The following TNKS2 variants were observed in gnomAD, a reference collection of about 807,000 sequenced individuals.
TNKS2 encodes poly [ADP-ribose] polymerase tankyrase-2.
TNKS2 carries 72 observed loss-of-function variants against 137.6 expected under a neutral mutation model. The observed-to-expected ratio is 0.52, with a 90% CI of 0.43 to 0.64. TNKS2 has a LOEUF of 0.64. TNKS2 is among the 30% of genes least tolerant of loss of function. The pLI is 0.00. For synonymous variants in TNKS2, 516 were observed against 512.1 expected (o/e 1.01, Z -0.10); for missense variants, 1,049 against 1,410.2 (o/e 0.74, Z 4.10).
chr10:91,822,354 T>A lies in TNKS2; in HGVS notation c.787T>A (p.Leu263Met). 6.2e-7 allele frequency: 1 copy of A among 1,612,982 alleles called. No homozygotes were observed. Among genetic ancestry groups the A allele is most frequent in the East Asian group, 2.2e-5 (1 of 44,768 alleles). ...TGGTCATTATGAAGTAACTGAACTT[T>A]TGGTCAAGGTTAGTGCTCTTGTACT... is the stretch of plus-strand genomic sequence containing the variant. ...SYGHYEVTEL[L>M]VKHGACVNAM... Residue 263 changes from leucine (L) to methionine (M), a missense_variant, in exon 7 of 27, where the codon TTG (leucine) becomes ATG (methionine). Leu to Met is a conservative substitution (Grantham distance 15). Transcript: ENST00000371627.
chr10:91,807,759 C>A (rs1295640431), intron 1 of TNKS2, among the ~76,000 whole-genome samples: 1 of 152,094 alleles, frequency 6.6e-6, no homozygotes, highest in Non-Finnish European at 1.5e-5. Flanking sequence ...CTTCGGGAGG[C>A]CGAGGCGAGC....
rs1392893073 is a variant in TNKS2, at chr10:91,813,141, C to G, written c.358C>G (p.Arg120Gly). The G allele has an allele frequency of 6.2e-7, 1 of 1,613,890 alleles. No individual in the cohort carries two copies. Among genetic ancestry groups the G allele is most frequent in the South Asian group, 1.1e-5 (1 of 91,060 alleles). The change falls in exon 2 of 27, where the codon CGA becomes GGA. Residue 120 changes from arginine (R) to glycine (G), a missense_variant. Physicochemically the swap from Arg to Gly is moderately radical, Grantham distance 125. Coordinates refer to ENST00000371627, the MANE Select transcript of TNKS2 (RefSeq NM_025235.4). ...GCGACATGGTGCAGACCCCAATGCT[C>G]GAGATAATTGGAATTATACTCCTCT... ...LLRHGADPNA[R>G]DNWNYTPLHE...
chr10:91,799,070 G>T (rs1304026088), intron 1 of TNKS2, among the ~76,000 whole-genome samples, 181 bp downstream of exon 1: 1 of 152,174 alleles, frequency 6.6e-6, no homozygotes. Flanking sequence ...TGCCACACTC[G>T]CTGGAAGTTT....
Position 91,846,174 on chromosome 10 carries a change from T to C in TNKS2, c.2358+234T>C, listed in dbSNP as rs111623737. Among the ~76,000 whole-genome samples, 1,509 of 152,200 alleles carry C rather than the reference T, an allele frequency of 9.9e-3. 9 individuals are homozygous for C. The highest frequency in any genetic ancestry group is 0.024 in the Middle Eastern group (7 of 294). ...TATTATATACTGAGTATTTTGGAAA[T>C]AGGAAAAAGAAGTACATGATATAAC... On this transcript the variant is annotated intron_variant, in intron 18 of 26. Transcript: ENST00000371627.
chr10:91,805,396 A>G (rs1844294920), intron 1 of TNKS2, among the ~76,000 whole-genome samples: 1 of 152,224 alleles, frequency 6.6e-6, no homozygotes, highest in Admixed American at 6.5e-5. Context: ...CTATGTGGAT[A>G]TAATCACTTT....
rs12355309 is a variant in TNKS2, at chr10:91,841,359, G to T, written c.1750G>T (p.Val584Leu). The T allele has an allele frequency of 1.1e-5, 17 of 1,609,700 alleles. No individual in the cohort carries two copies. Among genetic ancestry groups the T allele is most frequent in the Middle Eastern group, 1.7e-4 (1 of 6,030 alleles). Residue 584 changes from valine to leucine, a missense_variant, in exon 15 of 27, where the codon GTA becomes TTA. By Grantham distance (32) the Val-to-Leu change is conservative. This residue lies in a region of TNKS2 where 328 missense variants were observed against 436.0 expected (regional missense o/e 0.75). Coordinates refer to ENST00000371627, the MANE Select transcript of TNKS2 (RefSeq NM_025235.4). Reference sequence around the variant, plus strand: ...AGAACTTCTTGTTAAACATGGAGCAGTAGTTAATGTAGCTGATTTATGGAA... The same window carrying T: ...AGAACTTCTTGTTAAACATGGAGCATTAGTTAATGTAGCTGATTTATGGAA... ...VAELLVKHGA[V>L]VNVADLWKFT...
chr10:91,817,635 G>A (rs1844751961), intron 3 of TNKS2, among the ~76,000 whole-genome samples: 2 of 151,976 alleles, frequency 1.3e-5, no homozygotes, highest in Admixed American at 6.6e-5. Context: ...TATTCAAGCT[G>A]TACTATTTTT....
intron 26 of TNKS2, among the ~76,000 whole-genome samples, chr10:91,862,724 C>T (rs971740375): frequency 6.6e-6 from 1 of 152,098 alleles, no homozygotes; most frequent in Non-Finnish European, 1.5e-5. Flanking sequence ...TTATCTGATA[C>T]TTATGAACTT....
At chr10:91,846,105 A>C (rs1589685245) in intron 18 of TNKS2, among the ~76,000 whole-genome samples, 165 bp downstream of exon 18, 1 of 152,210 alleles carries the variant, frequency 6.6e-6, no homozygotes, top group East Asian at 1.9e-4. Flanking sequence ...TAGAATTATA[A>C]AGTAATATAA....
intron 12 of TNKS2, 31 bp from the exon 13 acceptor site, chr10:91,836,888 A>G: frequency 6.3e-7 from 1 of 1,598,974 alleles, no homozygotes; most frequent in Non-Finnish European, 8.5e-7. Context: ...AATAGAGGTT[A>G]GTCACTCTTC....
chr10:91,811,277 T>C (rs1257213448), intron 1 of TNKS2, among the ~76,000 whole-genome samples: 1 of 151,648 alleles, frequency 6.6e-6, no homozygotes, highest in African/African-American at 2.4e-5. Flanking sequence ...TTTCTTCTGC[T>C]TGGACTGCAG....
At position 91,849,608 on chromosome 10, in the gene TNKS2, T is replaced by C. The variant is rs749862109; in HGVS notation, c.2694+14T>C. On this transcript the variant is annotated intron_variant, in intron 20 of 26. Transcript: ENST00000371627. ...GAGAGAGAACAGGTGAGTAGATAAA[T>C]CATATTGTTTGGATTAGTGTTTTAT... The C allele has an allele frequency of 1.3e-6, 2 of 1,576,836 alleles. No individual in the cohort carries two copies. Among genetic ancestry groups the C allele is most frequent in the Non-Finnish European group, 1.7e-6 (2 of 1,162,792 alleles).
chr10:91,835,450 C>T (rs561516971), intron 12 of TNKS2, among the ~76,000 whole-genome samples: 76 of 151,556 alleles, frequency 5.0e-4, no homozygotes, highest in African/African-American at 1.6e-3. Context: ...CCACCACACC[C>T]GGCTAACTTT....
At chr10:91,857,579 G>T (rs369432985) in intron 24 of TNKS2, 49 bp downstream of exon 24, 1 of 1,267,318 alleles carries the variant, frequency 7.9e-7, no homozygotes, top group Non-Finnish European at 1.1e-6. Flanking sequence ...CATTAGGATA[G>T]TTTTTTTGTT....
chr10:91,822,594 G>C (rs1236814412), intron 7 of TNKS2, among the ~76,000 whole-genome samples: 1 of 151,544 alleles, frequency 6.6e-6, no homozygotes, highest in Non-Finnish European at 1.5e-5. Flanking sequence ...TTGAGACAAG[G>C]TCTCACTCTT....
At chr10:91,821,424 A>C (rs750018771) in intron 6 of TNKS2, among the ~76,000 whole-genome samples, 1 of 152,066 alleles carries the variant, frequency 6.6e-6, no homozygotes, top group Non-Finnish European at 1.5e-5. Context: ...CAAGTGAAGA[A>C]TCATATATTC....
At chr10:91,838,959 C>T (rs1842120477) in intron 13 of TNKS2, among the ~76,000 whole-genome samples, 1 of 152,186 alleles carries the variant, frequency 6.6e-6, no homozygotes, top group Non-Finnish European at 1.5e-5. Context: ...CCTCCACCTC[C>T]CGGGTTCAAG....
chr10:91,857,109 G>A (rs943397561), intron 23 of TNKS2, among the ~76,000 whole-genome samples: 4 of 152,078 alleles, frequency 2.6e-5, no homozygotes, highest in South Asian at 2.1e-4. Flanking sequence ...GAAAAAACTC[G>A]GCATGTCTGA....
chr10:91,827,416 T>G (rs528322368), intron 8 of TNKS2, among the ~76,000 whole-genome samples: 1 of 152,336 alleles, frequency 6.6e-6, no homozygotes, highest in African/African-American at 2.4e-5. Flanking sequence ...TCAAGTCAAG[T>G]TATATGCTTT....
Sources: allele counts gnomAD v4.1 joint callset (sites outside exome capture counted in the v4.1 genomes callset), GRCh38; gene constraint gnomAD v4.1.1; regional missense constraint gnomAD v4.1.1; transcripts MANE v1.5; gene names NCBI Gene and HGNC (gene_info 2026-07-23, HGNC 2026-07-21).